GRID1: variants seen among roughly 807,000 people sequenced by gnomAD.
GRID1 encodes the protein glutamate ionotropic receptor delta type subunit 1.
GRID1 carries 28 observed loss-of-function variants against 98.0 expected under a neutral mutation model. The observed-to-expected ratio is 0.29, with a 90% confidence interval of 0.21 to 0.39. The LOEUF (loss-of-function observed/expected upper bound fraction) is 0.39, where lower values mean the gene tolerates loss of function less well. Ranked by LOEUF, GRID1 falls within the 10% of genes least tolerant of loss-of-function variation. The pLI, the probability that GRID1 is intolerant of heterozygous loss-of-function variation, is 1.00. For missense variants in GRID1, 1,111 were observed against 1,340.5 expected (o/e 0.83, Z 2.67); for synonymous variants, 553 against 538.5 (o/e 1.03, Z -0.37).
chr10:85,798,214 T>C (rs1423434366), intron 8 of GRID1, among the ~76,000 whole-genome samples: 1 of 152,198 alleles, frequency 6.6e-6, no homozygotes, highest in Non-Finnish European at 1.5e-5. Context: ...AAGGCAGTGA[T>C]TGGAAAAAAT....
chr10:86,129,699 T>A (rs1379258292), intron 4 of GRID1, among the ~76,000 whole-genome samples: 1 of 152,174 alleles, frequency 6.6e-6, no homozygotes, highest in African/African-American at 2.4e-5. Flanking sequence ...ACTGCCACCA[T>A]CTGCTTCCAC....
At chr10:86,131,553 G>T (rs758517311) in intron 4 of GRID1, among the ~76,000 whole-genome samples, 1 of 152,088 alleles carries the variant, frequency 6.6e-6, no homozygotes, top group Non-Finnish European at 1.5e-5. Flanking sequence ...CCCCAGACAG[G>T]CCTCCCAGAC....
intron 2 of GRID1, among the ~76,000 whole-genome samples, chr10:86,318,475 G>T (rs917677267): frequency 6.6e-6 from 1 of 152,236 alleles, no homozygotes; most frequent in Non-Finnish European, 1.5e-5. Context: ...GTCCACACAG[G>T]CTGACAGGTT....
Position 86,167,906 on chromosome 10 carries a change from C to T in GRID1, c.521-28882G>A, listed in dbSNP as rs572578947. ...AGGCCCAGAGGCAAGCAGTTGTGAC[C>T]GAGGGAGGCACCAGGCCAGGCTCAC... On this transcript the variant is annotated intron_variant, in intron 3 of 15. Transcript: ENST00000327946. Among the ~76,000 whole-genome samples the T allele has an allele frequency of 1.2e-4, 18 of 152,174 alleles. No homozygotes were observed. The South Asian group carries it at 2.1e-3, about 18-fold the overall frequency.
In GRID1 at chr10:86,069,068, G is replaced by T. The variant is rs75218730; in HGVS notation, c.726+69751C>A. On this transcript the variant is annotated intron_variant, in intron 4 of 15. Transcript: ENST00000327946. ...TGGGAAGGGGGAGTATATGCAGACT[G>T]CTGGGGAAGGTTAGGTTGGGAGGAC... Among the ~76,000 whole-genome samples the T allele has an allele frequency of 5.1e-3, 770 of 152,190 alleles. 8 individuals are homozygous for T. The highest frequency in any genetic ancestry group is 0.018 in the African/African-American group (746 of 41,528).
At chr10:86,187,727 G>A (rs570218886) in intron 3 of GRID1, among the ~76,000 whole-genome samples, 1 of 152,324 alleles carries the variant, frequency 6.6e-6, no homozygotes, top group East Asian at 1.9e-4. Context: ...GCTGAGCTGA[G>A]CCCAGAGCTG....
intron 4 of GRID1, among the ~76,000 whole-genome samples, chr10:86,094,833 A>G (rs922876730): frequency 6.6e-6 from 1 of 151,964 alleles, no homozygotes. Context: ...AGAATTAGAA[A>G]AAAAAAAAAA....
chr10:85,729,992 A>G (rs1461214716), intron 8 of GRID1, among the ~76,000 whole-genome samples: 9 of 152,234 alleles, frequency 5.9e-5, no homozygotes, highest in Admixed American at 5.9e-4. Flanking sequence ...CCAGGCCACA[A>G]GGCCCTTGAG....
intron 3 of GRID1, among the ~76,000 whole-genome samples, chr10:86,148,228 C>A (rs534849132): frequency 1.3e-5 from 2 of 152,346 alleles, no homozygotes; most frequent in Non-Finnish European, 2.9e-5. Flanking sequence ...TGGTGGTCAC[C>A]AGCCGATGGA....
At chr10:86,022,503 A>T (rs1017011859) in intron 4 of GRID1, among the ~76,000 whole-genome samples, 9 of 151,868 alleles carry the variant, frequency 5.9e-5, no homozygotes, top group Non-Finnish European at 4.4e-5. Context: ...CCCAAACCCC[A>T]AAGTCAGTTA....
At chr10:86,076,723 A>C (rs1843886919) in intron 4 of GRID1, among the ~76,000 whole-genome samples, 1 of 152,172 alleles carries the variant, frequency 6.6e-6, no homozygotes, top group Admixed American at 6.5e-5. Flanking sequence ...GCCCACCCAC[A>C]TCATGGCGAG....
chr10:85,704,078 C>A (rs1004857364), intron 12 of GRID1, among the ~76,000 whole-genome samples: 11 of 152,024 alleles, frequency 7.2e-5, no homozygotes, highest in African/African-American at 2.7e-4. Context: ...GCAAAATAAC[C>A]AGCTAACATC....
rs189579884 is a variant in GRID1, at chr10:86,254,693, T to C, written c.236-48045A>G. ...CTCCACAATGGCAGGCAGGGCCCAG[T>C]AGGCTTCCAGCTGTGCTGCCACTAA... On this transcript the variant is annotated intron_variant, in intron 2 of 15. Coordinates refer to ENST00000327946, the MANE Select transcript of GRID1 (RefSeq NM_017551.3). Among the ~76,000 whole-genome samples, 407 of 152,324 alleles carry C rather than the reference T, an allele frequency of 2.7e-3. 2 individuals carry two copies. The highest frequency in any genetic ancestry group is 8.3e-3 in the South Asian group (40 of 4,826).
At chr10:86,242,136 G>A (rs552370953) in intron 2 of GRID1, among the ~76,000 whole-genome samples, 4 of 152,346 alleles carry the variant, frequency 2.6e-5, no homozygotes, top group African/African-American at 9.6e-5. Context: ...TGGAAACAAT[G>A]AGCCCACCTG....
At chr10:86,338,311 A>G (rs1456061203) in intron 2 of GRID1, among the ~76,000 whole-genome samples, 3 of 152,140 alleles carry the variant, frequency 2.0e-5, no homozygotes, top group Non-Finnish European at 4.4e-5. Context: ...CTCGAGTGGA[A>G]AGGGAATGTG....
intron 3 of GRID1, among the ~76,000 whole-genome samples, chr10:86,160,349 C>T (rs1376634426): frequency 6.6e-5 from 10 of 152,202 alleles, no homozygotes; most frequent in Non-Finnish European, 1.2e-4. Flanking sequence ...CCTATTCTTC[C>T]CCTCCCCTCC....
chr10:86,078,646 C>A (rs920795445), intron 4 of GRID1, among the ~76,000 whole-genome samples: 1 of 152,252 alleles, frequency 6.6e-6, no homozygotes, highest in African/African-American at 2.4e-5. Context: ...CACAGCCCTG[C>A]CTTCAGCACC....
chr10:85,615,071 G>A (rs1206562507), intron 14 of GRID1, among the ~76,000 whole-genome samples: 2 of 152,212 alleles, frequency 1.3e-5, no homozygotes, highest in Non-Finnish European at 2.9e-5. Context: ...GGACAGTTGT[G>A]TGATCTCTAC....
chr10:86,301,490 C>A (rs1482287806), intron 2 of GRID1, among the ~76,000 whole-genome samples: 2 of 152,256 alleles, frequency 1.3e-5, no homozygotes, highest in Non-Finnish European at 2.9e-5. Context: ...TCTCTGCCAG[C>A]TCTTTAAAGG....
Sources: allele counts gnomAD v4.1 joint callset (sites outside exome capture counted in the v4.1 genomes callset), GRCh38; gene constraint gnomAD v4.1.1; transcripts MANE v1.5; gene names NCBI Gene and HGNC (gene_info 2026-07-23, HGNC 2026-07-21).